Variants in PTK2 observed in about 807,000 individuals in gnomAD.
PTK2 encodes the protein focal adhesion kinase 1.
A neutral mutation model predicts 150.1 loss-of-function variants in PTK2; 45 were observed. That is an observed-to-expected ratio of 0.30 (90% CI 0.24 to 0.38). PTK2 has a LOEUF of 0.38. Among genes scored for constraint, PTK2 ranks in the 10% least tolerant of loss-of-function variants. The pLI is 1.00. For synonymous variants in PTK2, 432 were observed against 449.2 expected (o/e 0.96, Z 0.48); for missense variants, 919 against 1,307.3 (o/e 0.70, Z 4.58).
rs2100137948 is a variant in PTK2 at position 140,864,248 on chromosome 8, A to G, written c.450+64T>C. On this transcript the variant is annotated intron_variant, in intron 5 of 31. Coordinates refer to ENST00000522684, the Ensembl canonical transcript of PTK2. ...GAGCTTTAATCAAATTTGAAAATAAAAATATGCAATAAATAGGATTCAAAG... is the reference window on the plus strand; with the variant it reads ...GAGCTTTAATCAAATTTGAAAATAAGAATATGCAATAAATAGGATTCAAAG... 1.4e-5 allele frequency: 13 copies of G among 959,370 alleles called. 1 individual carries two copies. The South Asian group carries it at 3.2e-4, about 24-fold the overall frequency. The allele number at this position is 959,370 out of a possible 1,614,324, so 59.4% of individuals were successfully genotyped here.
At chr8:140,901,574 A>G (rs1190083646) in intron 2 of PTK2, among the ~76,000 whole-genome samples, 1 of 152,138 alleles carries the variant, frequency 6.6e-6, no homozygotes, top group African/African-American at 2.4e-5. Context: ...AAAACTCAAT[A>G]GAAGGAGTTG....
rs183940015 is a variant in PTK2, at chr8:140,944,139, C to T, written c.-121-18390G>A. On this transcript the variant is annotated intron_variant, in intron 1 of 31. Coordinates refer to ENST00000522684, the Ensembl canonical transcript of PTK2. ...TCTTCCTTTCTCTGAAGGTAAGATC[C>T]TATGCAAAGTTGCCTGCCCACTTTC... Among the ~76,000 whole-genome samples, 29 of 152,264 alleles carry T rather than the reference C, an allele frequency of 1.9e-4. No individual in the cohort carries two copies. In the East Asian group the frequency reaches 5.2e-3, roughly 27 times the overall value.
intron 1 of PTK2, among the ~76,000 whole-genome samples, chr8:140,970,173 T>C (rs1467981377): frequency 3.9e-5 from 6 of 152,362 alleles, no homozygotes; most frequent in Middle Eastern, 6.8e-3. Context: ...TCCTGGGAAG[T>C]ACACACTGTG....
intron 5 of PTK2, among the ~76,000 whole-genome samples, chr8:140,847,154 T>G (rs550275308): frequency 3.9e-5 from 6 of 152,298 alleles, no homozygotes; most frequent in Non-Finnish European, 7.4e-5. Context: ...CTACAAAAAT[T>G]TGCAGATGTA....
At chr8:140,913,303 T>C (rs2100163943) in intron 2 of PTK2, among the ~76,000 whole-genome samples, 1 of 151,502 alleles carries the variant, frequency 6.6e-6, no homozygotes, top group African/African-American at 2.4e-5. Context: ...TAAACTTTTT[T>C]TTTTTTTTTT....
intron 23 of PTK2, among the ~76,000 whole-genome samples, chr8:140,712,173 T>G (rs1394890249): frequency 3.9e-5 from 6 of 151,944 alleles, no homozygotes; most frequent in Non-Finnish European, 8.8e-5. Flanking sequence ...TTAATTCACT[T>G]AAGAATAAGC....
At chr8:140,910,404 C>T (rs1054191965) in intron 2 of PTK2, among the ~76,000 whole-genome samples, 4 of 151,814 alleles carry the variant, frequency 2.6e-5, no homozygotes, top group Non-Finnish European at 4.4e-5. Context: ...TTCAAAACTT[C>T]GTACATAATT....
chr8:140,931,123 A>T (rs2100171583), intron 1 of PTK2, among the ~76,000 whole-genome samples: 1 of 151,944 alleles, frequency 6.6e-6, no homozygotes, highest in Admixed American at 6.6e-5. Context: ...AATACATGGT[A>T]CAAAATTCAC....
At chr8:140,807,481 T>C (rs2100098736) in intron 10 of PTK2, among the ~76,000 whole-genome samples, 1 of 152,210 alleles carries the variant, frequency 6.6e-6, no homozygotes, top group South Asian at 2.1e-4. Flanking sequence ...AAGATAGGCA[T>C]GTAAGTGGTC....
Position 140,694,889 on chromosome 8 carries a change from C to T in PTK2, c.2499+6002G>A, listed in dbSNP as rs150895858. On this transcript the variant is annotated intron_variant, in intron 26 of 31. Transcript: ENST00000522684. ...CCACTTGACAGTGTCACGAGAGCTT[C>T]TACAACCGACACACACTACCTTCCA... Among the ~76,000 whole-genome samples, 944 of 152,352 alleles carry T rather than the reference C, an allele frequency of 6.2e-3. 8 individuals are homozygous for T. The highest frequency in any genetic ancestry group is 6.4e-3 in the Non-Finnish European group (434 of 68,028).
intron 1 of PTK2, among the ~76,000 whole-genome samples, chr8:140,979,932 T>C (rs1443205588): frequency 1.3e-5 from 2 of 152,226 alleles, no homozygotes; most frequent in African/African-American, 2.4e-5. Context: ...GTCTCGGATA[T>C]GTCTTTATCA....
intron 4 of PTK2, among the ~76,000 whole-genome samples, chr8:140,876,485 T>C (rs758513962): frequency 2.0e-5 from 3 of 152,162 alleles, no homozygotes; most frequent in Non-Finnish European, 2.9e-5. Context: ...AATATTTTAC[T>C]ATTAATACAA....
intron 2 of PTK2, among the ~76,000 whole-genome samples, chr8:140,903,706 A>C (rs1302303525): frequency 1.3e-5 from 2 of 152,160 alleles, no homozygotes; most frequent in African/African-American, 4.8e-5. Context: ...TTCTCCTTGA[A>C]GAGGTCCTTC....
intron 22 of PTK2, among the ~76,000 whole-genome samples, chr8:140,725,887 G>T (rs2154337387): frequency 6.7e-6 from 1 of 149,464 alleles, no homozygotes; most frequent in South Asian, 2.1e-4. Context: ...ATTCTCAAGA[G>T]GAAAAAAAAT....
At chr8:140,752,465 T>G (rs2100063341) in intron 16 of PTK2, 149 bp from the exon 20 acceptor site, 1 of 635,844 alleles carries the variant, frequency 1.6e-6, no homozygotes, top group East Asian at 2.8e-5. Context: ...GAGGGATACT[T>G]AAAAACACTC....
intron 1 of PTK2, among the ~76,000 whole-genome samples, chr8:140,942,561 T>C (rs886831074): frequency 4.6e-5 from 7 of 152,158 alleles, no homozygotes; most frequent in African/African-American, 1.7e-4. Flanking sequence ...ACTTTGGTGG[T>C]ACCTAATCCA....
intron 10 of PTK2, among the ~76,000 whole-genome samples, chr8:140,813,808 G>C (rs2100103028): frequency 1.4e-5 from 2 of 143,950 alleles, no homozygotes; most frequent in Non-Finnish European, 3.0e-5. Context: ...ACCAAAACCA[G>C]GATGAATTGA....
intron 1 of PTK2, chr8:140,954,681 G>C (rs1226535574): frequency 1.3e-5 from 2 of 152,050 alleles, no homozygotes; most frequent in African/African-American, 2.4e-5. Context: ...ACTAAGACAG[G>C]TGAAAGAAAA....
At position 140,890,855 on chromosome 8, in the gene PTK2, T is replaced by C. The variant is rs2100153990; in HGVS notation, c.-32-86A>G. On this transcript the variant is annotated intron_variant, in intron 2 of 31. Transcript: ENST00000522684. ...GATATGTTGTTTATATCAAATGTCCTATACTCTCTCTTGATATGTTATATG... is the reference window on the plus strand; with the variant it reads ...GATATGTTGTTTATATCAAATGTCCCATACTCTCTCTTGATATGTTATATG... 2 of 1,146,868 alleles carry C rather than the reference T, an allele frequency of 1.7e-6. 1 individual carries two copies. Among genetic ancestry groups the C allele is most frequent in the Admixed American group, 3.9e-5 (2 of 50,736 alleles). 71.0% of individuals were successfully genotyped at this position (1,146,868 alleles called of 1,614,324 possible). A position where few individuals can be genotyped will look rare whatever the true frequency, so the allele number is the denominator to read the frequency against.
Sources: gnomAD v4.1 joint callset for allele counts (sites outside exome capture counted in the v4.1 genomes callset) on GRCh38, gnomAD v4.1.1 for gene constraint, MANE v1.5 for transcripts, NCBI Gene and HGNC (gene_info 2026-07-23, HGNC 2026-07-21) for gene names.